WWOX: variants seen among roughly 807,000 people sequenced by gnomAD.
The protein encoded by WWOX is WW domain containing oxidoreductase, also known as WW domain-containing oxidoreductase.
In WWOX, 69 loss-of-function variants were observed where a neutral mutation model predicts 46.2. That is an observed-to-expected ratio of 1.49 (90% CI 1.23 to 1.82). The LOEUF is 1.82. Among genes scored for constraint, WWOX ranks in the 40% most tolerant of loss-of-function variants. The pLI, the probability that WWOX is intolerant of heterozygous loss-of-function variation, is 0.00. For missense variants in WWOX, 919 were observed against 542.6 expected, an observed-to-expected ratio of 1.69 and a Z score of -6.89; for synonymous variants, 359 against 202.6, an observed-to-expected ratio of 1.77 and a Z score of -6.56.
chr16:78,688,890 A>C (rs189838585), intron 8 of WWOX, among the ~76,000 whole-genome samples: 3 of 152,276 alleles, frequency 2.0e-5, no homozygotes, highest in Admixed American at 1.3e-4. Flanking sequence ...GAGTTCTCAC[A>C]AGATTTGATG....
Position 78,190,017 on chromosome 16 carries a change from C to G in WWOX, c.516+25728C>G, listed in dbSNP as rs531941142. Among the ~76,000 whole-genome samples the G allele has an allele frequency of 5.1e-4, 78 of 152,254 alleles. 1 individual carries two copies. In the Middle Eastern group the frequency reaches 0.01, roughly 20 times the overall value. On this transcript the variant is annotated intron_variant, in intron 5 of 8. Coordinates refer to ENST00000566780, the MANE Select transcript of WWOX (RefSeq NM_016373.4). Reference sequence around the variant, plus strand: ...ACCCAAACCTTTCCTATTGTGGCAGCTGTTATCTTGTCCAGCACATGTGTC... The same window carrying G: ...ACCCAAACCTTTCCTATTGTGGCAGGTGTTATCTTGTCCAGCACATGTGTC...
At chr16:78,490,295 C>T (rs1274908764) in intron 8 of WWOX, among the ~76,000 whole-genome samples, 1 of 131,682 alleles carries the variant, frequency 7.6e-6, no homozygotes, top group African/African-American at 3.3e-5. Context: ...TATTGTTTAA[C>T]ACACAAATAA....
At chr16:79,075,712 C>G (rs556948967) in intron 8 of WWOX, among the ~76,000 whole-genome samples, 1 of 152,192 alleles carries the variant, frequency 6.6e-6, no homozygotes, top group South Asian at 2.1e-4. Context: ...ATCACCACAC[C>G]TGGCTACTTT....
chr16:78,307,570 A>G (rs1306783284), intron 5 of WWOX, among the ~76,000 whole-genome samples: 1 of 152,202 alleles, frequency 6.6e-6, no homozygotes, highest in Non-Finnish European at 1.5e-5. Context: ...TTCAGAAGGA[A>G]CCAGCTGTGC....
At chr16:78,121,744 C>G (rs1201435723) in intron 4 of WWOX, among the ~76,000 whole-genome samples, 2 of 151,898 alleles carry the variant, frequency 1.3e-5, no homozygotes, top group Admixed American at 6.6e-5. Flanking sequence ...TCACTGCAAC[C>G]TTTGTCTCCC....
At chr16:78,168,498 T>C (rs1890369667) in intron 5 of WWOX, 1 of 151,514 alleles carries the variant, frequency 6.6e-6, no homozygotes, top group Non-Finnish European at 1.5e-5. Context: ...GTGAAGGAAC[T>C]CACCCGAATT....
At chr16:78,347,719 T>C in intron 5 of WWOX, among the ~76,000 whole-genome samples, 1 of 122,726 alleles carries the variant, frequency 8.1e-6, no homozygotes, top group Admixed American at 7.9e-5. Context: ...AAATAATTCA[T>C]ATCACTCACT....
rs1036668955 is a variant in WWOX, at chr16:79,193,351, G to C, written c.1057-18257G>C. Reference sequence around the variant, plus strand: ...AGATCTCAGCACTAAGCCTGGAACAGAGGAGACTTCAGTCGATGTAGGGCA... The same window carrying C: ...AGATCTCAGCACTAAGCCTGGAACACAGGAGACTTCAGTCGATGTAGGGCA... On this transcript the variant is annotated intron_variant, in intron 8 of 8. Coordinates refer to ENST00000566780, the MANE Select transcript of WWOX (RefSeq NM_016373.4). 7.9e-5 allele frequency among the ~76,000 whole-genome samples: 12 copies of C among 152,354 alleles called. No homozygotes were observed. In the Middle Eastern group the frequency reaches 0.014, roughly 173 times the overall value.
chr16:79,081,470 A>G (rs2048759271), intron 8 of WWOX, among the ~76,000 whole-genome samples: 4 of 152,158 alleles, frequency 2.6e-5, no homozygotes, highest in Non-Finnish European at 5.9e-5. Context: ...TCATTAAGCC[A>G]TCTGCTTTCT....
intron 8 of WWOX, among the ~76,000 whole-genome samples, chr16:78,467,476 G>C (rs2151430745): frequency 6.6e-6 from 1 of 152,196 alleles, no homozygotes; most frequent in South Asian, 2.1e-4. Flanking sequence ...CAGGATCAAA[G>C]GACCTCTTTT....
chr16:78,786,413 C>G (rs1119250), intron 8 of WWOX, among the ~76,000 whole-genome samples: 1 of 151,982 alleles, frequency 6.6e-6, no homozygotes, highest in Non-Finnish European at 1.5e-5. Context: ...AGGATACAGT[C>G]AATGACTTCA....
intron 8 of WWOX, among the ~76,000 whole-genome samples, chr16:78,968,011 G>A (rs948471361): frequency 6.6e-6 from 1 of 152,230 alleles, no homozygotes; most frequent in African/African-American, 2.4e-5. Context: ...ATAAGTGTAT[G>A]TGTTTAATCT....
chr16:79,144,335 G>A (rs1193691879), intron 8 of WWOX, among the ~76,000 whole-genome samples: 4 of 152,226 alleles, frequency 2.6e-5, no homozygotes, highest in African/African-American at 2.4e-5. Context: ...GAAATTAATA[G>A]CACCTGCCTG....
intron 8 of WWOX, among the ~76,000 whole-genome samples, chr16:79,201,343 CTT>C (rs5818210): frequency 0.072 from 10,337 of 143,432 alleles, 608 homozygotes; most frequent in African/African-American, 0.17. Flanking sequence ...TTTTTCTTTT[CTT>C]TTTTTTTTTT....
At chr16:78,678,001 A>G (rs2047644692) in intron 8 of WWOX, among the ~76,000 whole-genome samples, 1 of 152,086 alleles carries the variant, frequency 6.6e-6, no homozygotes, top group African/African-American at 2.4e-5. Context: ...TTTCTTTCCA[A>G]ACTCTGCCGT....
chr16:78,303,932 T>C (rs915567291), intron 5 of WWOX, among the ~76,000 whole-genome samples: 3 of 152,228 alleles, frequency 2.0e-5, no homozygotes, highest in African/African-American at 7.2e-5. Context: ...CAGCTATTGC[T>C]TTTGAATCTA....
chr16:78,733,534 T>A (rs184251540), intron 8 of WWOX, among the ~76,000 whole-genome samples: 173 of 147,464 alleles, frequency 1.2e-3, no homozygotes, highest in African/African-American at 4.2e-3. Flanking sequence ...GATCACGAGG[T>A]CAGGAGATCG....
chr16:78,335,490 G>T (rs1301632401), intron 5 of WWOX, among the ~76,000 whole-genome samples: 4 of 152,068 alleles, frequency 2.6e-5, no homozygotes, highest in African/African-American at 9.7e-5. Context: ...ATATTCCATG[G>T]TATATATGTA....
At chr16:78,338,440 G>C (rs2080942023) in intron 5 of WWOX, among the ~76,000 whole-genome samples, 1 of 121,014 alleles carries the variant, frequency 8.3e-6, no homozygotes, top group Admixed American at 8.0e-5. Context: ...CCTTTTGGGG[G>C]ACAAAATGTC....
Sources: gnomAD v4.1 joint callset for allele counts (sites outside exome capture counted in the v4.1 genomes callset) on GRCh38, gnomAD v4.1.1 for gene constraint, MANE v1.5 for transcripts, NCBI Gene and HGNC (gene_info 2026-07-23, HGNC 2026-07-21) for gene names.